The following GPR158 variants were observed in gnomAD, a reference collection of about 807,000 sequenced individuals.
GPR158 encodes the protein G protein-coupled receptor 158.
In GPR158, 30 loss-of-function variants were observed where a neutral mutation model predicts 78.2. The observed-to-expected ratio is 0.38, with a 90% CI of 0.29 to 0.52. GPR158 has a LOEUF of 0.52. GPR158 is among the 20% of genes least tolerant of loss of function. GPR158 has a pLI of 0.83. For missense variants in GPR158, 1,463 were observed against 1,523.5 expected (o/e 0.96, Z 0.66); for synonymous variants, 581 against 591.1 (o/e 0.98, Z 0.25).
intron 4 of GPR158, among the ~76,000 whole-genome samples, chr10:25,438,748 T>C (rs906508012): frequency 6.6e-6 from 1 of 152,208 alleles, no homozygotes; most frequent in Non-Finnish European, 1.5e-5. Context: ...GAGCCAGTCC[T>C]GTCGTAGGAA....
At chr10:25,299,296 A>T (rs1176154594) in intron 2 of GPR158, among the ~76,000 whole-genome samples, 4 of 152,158 alleles carry the variant, frequency 2.6e-5, no homozygotes, top group Non-Finnish European at 5.9e-5. Flanking sequence ...ATACAGTACA[A>T]TATTATTAGC....
chr10:25,232,176 T>C (rs1284746184), intron 2 of GPR158, among the ~76,000 whole-genome samples: 1 of 152,152 alleles, frequency 6.6e-6, no homozygotes, highest in Non-Finnish European at 1.5e-5. Flanking sequence ...TCATATTCAG[T>C]AGCAGAAAAA....
intron 2 of GPR158, among the ~76,000 whole-genome samples, chr10:25,282,605 C>G (rs1012788135): frequency 6.6e-6 from 1 of 152,126 alleles, no homozygotes; most frequent in African/African-American, 2.4e-5. Flanking sequence ...TCTGAGAGTT[C>G]CGTTCGTTTT....
chr10:25,276,549 A>G (rs1351755128), intron 2 of GPR158, among the ~76,000 whole-genome samples: 1 of 152,192 alleles, frequency 6.6e-6, no homozygotes, highest in East Asian at 1.9e-4. Context: ...ATGCTCTAAA[A>G]CAAAATCTAG....
chr10:25,311,263 A>G (rs953615347), intron 2 of GPR158, among the ~76,000 whole-genome samples: 1 of 151,936 alleles, frequency 6.6e-6, no homozygotes, highest in Non-Finnish European at 1.5e-5. Flanking sequence ...TGACTCAGGG[A>G]AAATGACACC....
chr10:25,574,934 G>T (rs1048040835), intron 7 of GPR158, among the ~76,000 whole-genome samples: 3 of 151,960 alleles, frequency 2.0e-5, no homozygotes, highest in Non-Finnish European at 4.4e-5. Context: ...AGGGGCAGTG[G>T]CTCACACCTG....
At position 25,413,058 on chromosome 10, in the gene GPR158, T is replaced by C. The variant is rs543381993; in HGVS notation, c.1335+585T>C. On this transcript the variant is annotated intron_variant, in intron 4 of 10. Transcript: ENST00000376351. Reference sequence around the variant, plus strand: ...AGTACAATCCAGGAGCAGTGGCTCATGCCTGTAATCTCAGCACATTGGGAG... The same window carrying C: ...AGTACAATCCAGGAGCAGTGGCTCACGCCTGTAATCTCAGCACATTGGGAG... Among the ~76,000 whole-genome samples the C allele has an allele frequency of 9.2e-5, 14 of 152,312 alleles. 1 individual carries two copies. In the South Asian group the frequency reaches 2.1e-3, roughly 23 times the overall value.
At chr10:25,485,695 A>T (rs1311602210) in intron 5 of GPR158, among the ~76,000 whole-genome samples, 1 of 152,192 alleles carries the variant, frequency 6.6e-6, no homozygotes, top group African/African-American at 2.4e-5. Context: ...AAAATACTTT[A>T]TATAAATTAT....
chr10:25,235,627 C>A (rs1000801415), intron 2 of GPR158, among the ~76,000 whole-genome samples: 1 of 150,786 alleles, frequency 6.6e-6, no homozygotes, highest in Non-Finnish European at 1.5e-5. Context: ...TTAACCTTTT[C>A]ATGTCTCAAA....
chr10:25,576,082 G>A (rs1837091414), intron 7 of GPR158, among the ~76,000 whole-genome samples: 1 of 151,972 alleles, frequency 6.6e-6, no homozygotes, highest in South Asian at 2.1e-4. Context: ...TAGCTTTTGG[G>A]GTACAGGTGG....
At chr10:25,357,328 G>A (rs1023242613) in intron 2 of GPR158, among the ~76,000 whole-genome samples, 1 of 152,100 alleles carries the variant, frequency 6.6e-6, no homozygotes, top group Non-Finnish European at 1.5e-5. Context: ...GTAGAAATTT[G>A]CATAAGTAAT....
chr10:25,572,281 GAT>G (rs1425147488), intron 6 of GPR158, among the ~76,000 whole-genome samples: 1 of 152,082 alleles, frequency 6.6e-6, no homozygotes, highest in African/African-American at 2.4e-5. Context: ...GATAAACTAA[GAT>G]AAAATTAAAT....
chr10:25,487,447 G>C (rs547298528), intron 5 of GPR158, among the ~76,000 whole-genome samples: 1 of 152,076 alleles, frequency 6.6e-6, no homozygotes, highest in Non-Finnish European at 1.5e-5. Context: ...TCATTCCCAC[G>C]ATGCCAGCCA....
chr10:25,358,364 G>A (rs1029331457), intron 2 of GPR158, among the ~76,000 whole-genome samples: 1 of 152,016 alleles, frequency 6.6e-6, no homozygotes, highest in Admixed American at 6.6e-5. Context: ...AGAGGCTGGG[G>A]TGAAATGATA....
intron 3 of GPR158, among the ~76,000 whole-genome samples, chr10:25,407,089 T>G (rs981379710): frequency 5.9e-5 from 9 of 152,214 alleles, no homozygotes; most frequent in African/African-American, 1.7e-4. Flanking sequence ...TTTTATATTT[T>G]ACACCTTCTT....
At chr10:25,283,976 C>T (rs562480903) in intron 2 of GPR158, among the ~76,000 whole-genome samples, 2 of 152,174 alleles carry the variant, frequency 1.3e-5, no homozygotes, top group African/African-American at 4.8e-5. Context: ...GGTCAAAAAA[C>T]ATACTTTGTG....
intron 7 of GPR158, among the ~76,000 whole-genome samples, chr10:25,583,360 T>C (rs1256108924): frequency 1.3e-5 from 2 of 152,238 alleles, no homozygotes; most frequent in Non-Finnish European, 2.9e-5. Context: ...AAGTCACTTG[T>C]AACTTAACAA....
At chr10:25,197,868 G>A (rs1057288179) in intron 1 of GPR158, among the ~76,000 whole-genome samples, 1 of 152,118 alleles carries the variant, frequency 6.6e-6, no homozygotes, top group Non-Finnish European at 1.5e-5. Flanking sequence ...TCCTTGCACT[G>A]GGTTCCCTGA....
chr10:25,463,126 A>C (rs1014703126), intron 4 of GPR158, among the ~76,000 whole-genome samples: 1 of 152,210 alleles, frequency 6.6e-6, no homozygotes, highest in Non-Finnish European at 1.5e-5. Context: ...AGCCATCAAC[A>C]TGGAGGCAAG....
Sources: gnomAD v4.1 joint callset for allele counts (sites outside exome capture counted in the v4.1 genomes callset) on GRCh38, gnomAD v4.1.1 for gene constraint, MANE v1.5 for transcripts, NCBI Gene and HGNC (gene_info 2026-07-23, HGNC 2026-07-21) for gene names.